Variants in WWP1 observed in about 807,000 individuals in gnomAD.
The protein encoded by WWP1 is NEDD4-like E3 ubiquitin-protein ligase WWP1.
A neutral mutation model predicts 130.6 loss-of-function variants in WWP1; 49 were observed. The ratio of observed to expected loss-of-function variants is 0.38; its 90% CI spans 0.30 to 0.48. WWP1 has a LOEUF of 0.48. Among genes scored for constraint, WWP1 ranks in the 20% least tolerant of loss-of-function variants. WWP1 has a pLI of 0.99. For missense variants in WWP1, 809 were observed against 1,100.6 expected, an observed-to-expected ratio of 0.74 and a Z score of 3.75; for synonymous variants, 332 against 367.8, an observed-to-expected ratio of 0.90 and a Z score of 1.11.
intron 17 of WWP1, chr8:86,440,841 A>G (rs1293798421): frequency 9.0e-6 from 3 of 334,566 alleles, no homozygotes; most frequent in African/African-American, 4.4e-5. Context: ...GCCTATCCTC[A>G]TGTCACTGTT....
At chr8:86,403,706 T>C (rs1808125428) in intron 8 of WWP1, among the ~76,000 whole-genome samples, 1 of 151,762 alleles carries the variant, frequency 6.6e-6, no homozygotes, top group Non-Finnish European at 1.5e-5. Context: ...ATGAATGATA[T>C]TTTCAAAATT....
chr8:86,373,609 T>C (rs1035311452), intron 2 of WWP1, among the ~76,000 whole-genome samples: 1 of 152,176 alleles, frequency 6.6e-6, no homozygotes, highest in Non-Finnish European at 1.5e-5. Flanking sequence ...TTTAAGATTA[T>C]AGACTCAGAC....
intron 20 of WWP1, among the ~76,000 whole-genome samples, chr8:86,450,058 G>A (rs958814516): frequency 2.0e-5 from 3 of 152,108 alleles, no homozygotes; most frequent in Admixed American, 6.5e-5. Flanking sequence ...TGAAGTTACT[G>A]GGTCAAAAAG....
chr8:86,374,068 A>G lies in WWP1; in HGVS notation c.18A>G (p.Pro6=). ...TTTGGGACATGGCCACTGCTTCACC[A>G]AGGTCTGATACTAGTAATAACCACA... is the stretch of plus-strand genomic sequence containing the variant. MATAS[P]RSDTSNNHSG... The change falls in exon 3 of 25, where the codon CCA becomes CCG. Residue 6 remains proline (P), a synonymous_variant. Coordinates refer to ENST00000517970, the MANE Select transcript of WWP1 (RefSeq NM_007013.4). The G allele has an allele frequency of 6.2e-7, 1 of 1,607,762 alleles. No homozygotes were observed. The highest frequency in any genetic ancestry group is 2.3e-5 in the East Asian group (1 of 44,398).
chr8:86,413,574 G>A (rs1808708139), intron 9 of WWP1, among the ~76,000 whole-genome samples: 1 of 152,220 alleles, frequency 6.6e-6, no homozygotes, highest in Non-Finnish European at 1.5e-5. Flanking sequence ...GAAAGAAGAG[G>A]AGGAGTTAGC....
chr8:86,380,963 T>C, intron 4 of WWP1, 99 bp downstream of exon 4: 1 of 1,340,256 alleles, frequency 7.5e-7, no homozygotes, highest in Non-Finnish European at 9.7e-7. Context: ...TAATGAGTGA[T>C]TTTTTTAAAG....
chr8:86,388,159 C>CTT (rs757352807), intron 5 of WWP1, among the ~76,000 whole-genome samples: 2 of 139,570 alleles, frequency 1.4e-5, no homozygotes, highest in African/African-American at 2.6e-5. Flanking sequence ...TTATCTCTGC[C>CTT]TTTTTTTTTT....
At chr8:86,409,226 CTTT>C (rs1230976832) in intron 8 of WWP1, among the ~76,000 whole-genome samples, 1,031 of 100,466 alleles carry the variant, frequency 0.01, 3 homozygotes, top group Non-Finnish European at 0.016. Flanking sequence ...CTTTTTCTTT[CTTT>C]TTTTTTTTTT....
chr8:86,455,423 A>G (rs2130766371), intron 21 of WWP1, among the ~76,000 whole-genome samples: 1 of 152,090 alleles, frequency 6.6e-6, no homozygotes, highest in African/African-American at 2.4e-5. Flanking sequence ...TAGATTAGAA[A>G]ATCCTAGGTA....
chr8:86,404,817 C>T (rs1276983703), intron 8 of WWP1, among the ~76,000 whole-genome samples: 2 of 152,206 alleles, frequency 1.3e-5, no homozygotes, highest in Non-Finnish European at 2.9e-5. Context: ...CTGTAATTGA[C>T]ATTCCGCTAT....
chr8:86,462,240 C>A (rs752245986), intron 24 of WWP1, among the ~76,000 whole-genome samples: 1 of 152,044 alleles, frequency 6.6e-6, no homozygotes, highest in South Asian at 2.1e-4. Flanking sequence ...CTAACGGGAA[C>A]CTACTTTGGG....
chr8:86,400,111 A>G (rs564848281), intron 7 of WWP1, among the ~76,000 whole-genome samples: 2 of 152,110 alleles, frequency 1.3e-5, no homozygotes, highest in Admixed American at 1.3e-4. Context: ...CGGGCAGATC[A>G]TGAGGTCAGG....
chr8:86,364,807 G>A (rs938717609), intron 1 of WWP1, among the ~76,000 whole-genome samples: 3 of 118,486 alleles, frequency 2.5e-5, no homozygotes, highest in South Asian at 2.4e-4. Context: ...ACCCTGCCTC[G>A]AAAGAAAGAA....
Position 86,431,405 on chromosome 8 carries a change from G to GA in WWP1, c.1393dup (p.Arg465LysfsTer14). Reference sequence around the variant, plus strand: ...AATATTATACTCACTTTATATTTCAGAAAAAAGAGTGGATTCAACAGACAG... The same window carrying GA: ...AATATTATACTCACTTTATATTTCAGAAAAAAAGAGTGGATTCAACAGACAG... On this transcript the variant is annotated frameshift_variant and splice_region_variant. Transcript: ENST00000517970. LOFTEE classifies it high-confidence loss of function. 1.9e-6 allele frequency: 3 copies of GA among 1,585,112 alleles called. No homozygotes were observed. The highest frequency in any genetic ancestry group is 1.7e-6 in the Non-Finnish European group (2 of 1,164,628).
chr8:86,391,959 A>G (rs1372378867), intron 5 of WWP1, among the ~76,000 whole-genome samples: 1 of 152,208 alleles, frequency 6.6e-6, no homozygotes, highest in Non-Finnish European at 1.5e-5. Flanking sequence ...TTTTTAGTAA[A>G]TGCTCTAAGA....
intron 1 of WWP1, among the ~76,000 whole-genome samples, chr8:86,358,554 T>TC (rs1823387207): frequency 1.3e-5 from 2 of 151,366 alleles, no homozygotes; most frequent in Admixed American, 1.3e-4. Flanking sequence ...CCGTCACAAC[T>TC]CACCACTGCC....
chr8:86,376,563 TG>T (rs1370034255), intron 3 of WWP1, among the ~76,000 whole-genome samples: 1 of 151,466 alleles, frequency 6.6e-6, no homozygotes, highest in Non-Finnish European at 1.5e-5. Flanking sequence ...AGTGAGGCTC[TG>T]TCTCAAAAAA....
Position 86,427,163 on chromosome 8 carries a change from CA to C in WWP1, c.1158-466del, listed in dbSNP as rs750674032. 8.5e-3 allele frequency among the ~76,000 whole-genome samples: 1,087 copies of C among 127,318 alleles called. 9 individuals are homozygous for C. Among genetic ancestry groups the C allele is most frequent in the African/African-American group, 0.023 (784 of 33,794 alleles). 83.5% of individuals were successfully genotyped at this position (127,318 alleles called of 152,430 possible). On this transcript the variant is annotated intron_variant, in intron 10 of 24. Coordinates refer to ENST00000517970, the MANE Select transcript of WWP1 (RefSeq NM_007013.4). ...GGGTGACAAGAGCGAAACGCCATCT[CA>C]AAAAAAAAAAAAAGAGGGAGAAAGG...
At chr8:86,358,383 G>A (rs1057109280) in intron 1 of WWP1, among the ~76,000 whole-genome samples, 6 of 151,944 alleles carry the variant, frequency 3.9e-5, no homozygotes, top group Non-Finnish European at 8.8e-5. Flanking sequence ...AACCACTCTA[G>A]CCATCTTTTA....
Sources: allele counts gnomAD v4.1 joint callset (sites outside exome capture counted in the v4.1 genomes callset), GRCh38; gene constraint gnomAD v4.1.1; transcripts MANE v1.5; gene names NCBI Gene and HGNC (gene_info 2026-07-23, HGNC 2026-07-21).